The following XAB2 variants were observed in gnomAD, a reference collection of about 807,000 sequenced individuals.
The protein encoded by XAB2 is XPA binding protein 2.
Under a neutral mutation model 113.4 loss-of-function variants are expected in XAB2, and 57 were observed. The observed-to-expected ratio is 0.50, with a 90% CI of 0.41 to 0.63. The LOEUF is 0.63. Ranked by LOEUF, XAB2 falls within the 20% of genes least tolerant of loss-of-function variation. The pLI is 0.00. For missense variants in XAB2, 1,037 were observed against 1,233.3 expected (o/e 0.84, Z 2.38); for synonymous variants, 497 against 498.8 (o/e 1.00, Z 0.05).
In XAB2 at chr19:7,626,422, C is replaced by CAGCCCGGTTCCTACTGGTCT; in HGVS notation, c.523-172_523-153dup. ...CAAACCAGCCTCAGCCCCACTGGTC[C>CAGCCCGGTTCCTACTGGTCT]AGCCCGGTTCCTACTGGTCTAGCCT... On this transcript the variant is annotated intron_variant, in intron 4 of 18. Transcript: ENST00000358368. 4 of 1,153,610 alleles carry CAGCCCGGTTCCTACTGGTCT rather than the reference C, an allele frequency of 3.5e-6. No homozygotes were observed. The South Asian group carries it at 4.3e-5, about 12-fold the overall frequency. 71.5% of individuals were successfully genotyped at this position (1,153,610 alleles called of 1,614,324 possible).
In XAB2 at chr19:7,629,458, G is replaced by GA; in HGVS notation, c.51+18_51+19insT. ...CAATGCCCCAACGCAGGCCACCCCC[G>GA]GCTCCTCTGTGGACTCACGAAGACA... On this transcript the variant is annotated intron_variant, in intron 1 of 18. Coordinates refer to ENST00000358368, the MANE Select transcript of XAB2 (RefSeq NM_020196.3). 1 of 1,588,060 alleles carries GA rather than the reference G, an allele frequency of 6.3e-7. No homozygotes were observed. Among genetic ancestry groups the GA allele is most frequent in the Non-Finnish European group, 8.6e-7 (1 of 1,167,478 alleles).
At chr19:7,622,993 C>T in intron 9 of XAB2, 100 bp from the exon 10 acceptor site, 2 of 1,555,448 alleles carry the variant, frequency 1.3e-6, no homozygotes, top group East Asian at 2.4e-5. Context: ...CATACAGGCA[C>T]AAACACACAG....
At chr19:7,621,512 C>A in intron 12 of XAB2, 1 of 588,164 alleles carries the variant, frequency 1.7e-6, no homozygotes, top group South Asian at 2.1e-5. Context: ...GCAATGGGAC[C>A]TGCTAAGCAC....
In XAB2 at chr19:7,624,508, C is replaced by G; in HGVS notation, c.823-63G>C. ...GGCGCAGGGGACAGGCAGCAGCACT[C>G]TTAGCACCAGCCTCAATGTGGAACC... On this transcript the variant is annotated intron_variant, in intron 6 of 18. Transcript: ENST00000358368. The surrounding 1 kb of genome is among the most constrained non-coding windows in gnomAD (Gnocchi z 4.2). 1.2e-6 allele frequency: 2 copies of G among 1,607,674 alleles called. No individual in the cohort carries two copies. Among genetic ancestry groups the G allele is most frequent in the East Asian group, 2.2e-5 (1 of 44,816 alleles).
chr19:7,623,053 C>T lies in XAB2; in HGVS notation c.1239+117G>A. 6.4e-7 allele frequency: 1 copy of T among 1,550,542 alleles called. No homozygotes were observed. The highest frequency in any genetic ancestry group is 1.2e-5 in the South Asian group (1 of 83,556). ...GTGCACATATGCATGCACCCAAATG[C>T]ACATGCACACACACGTGCACACATC... On this transcript the variant is annotated intron_variant, in intron 9 of 18. Coordinates refer to ENST00000358368, the MANE Select transcript of XAB2 (RefSeq NM_020196.3). The surrounding 1 kb of genome is among the most constrained non-coding windows in gnomAD (Gnocchi z 4.6).
At chr19:7,622,297 A>G in intron 12 of XAB2, 34 bp downstream of exon 12, 1 of 1,605,076 alleles carries the variant, frequency 6.2e-7, no homozygotes, top group Non-Finnish European at 8.5e-7. Flanking sequence ...GGACACTGCC[A>G]TCAGGGGCCT....
At position 7,627,505 on chromosome 19, in the gene XAB2, C is replaced by T. The variant is rs572261514; in HGVS notation, c.325-65G>A. 3.4e-5 allele frequency: 53 copies of T among 1,562,680 alleles called. No individual in the cohort carries two copies. The African/African-American group carries it at 4.7e-4, about 14-fold the overall frequency. ...ACTCCATGGCCTGGCCACAGACACT[C>T]GATGTCCTGTGGCTGAGCCACACCT... On this transcript the variant is annotated intron_variant, in intron 3 of 18. Transcript: ENST00000358368. The surrounding 1 kb of genome is among the most constrained non-coding windows in gnomAD (Gnocchi z 4.5).
intron 12 of XAB2, 49 bp downstream of exon 12, chr19:7,622,282 G>A (rs775077101): frequency 4.5e-6 from 7 of 1,569,284 alleles, no homozygotes; most frequent in South Asian, 2.2e-5. Flanking sequence ...GGACCCCTGG[G>A]GAGGGGACAC....
Position 7,623,176 on chromosome 19 carries a change from C to T in XAB2, c.1233G>A (p.Leu411=). The change falls in exon 9 of 19, where the codon CTG becomes CTA. Residue 411 remains leucine, a synonymous_variant. Transcript: ENST00000358368. The surrounding 1 kb of genome is among the most constrained non-coding windows in gnomAD (Gnocchi z 4.6). ...CACGCAACAGGGTGCTCACATCGTC[C>T]AGCTGTCCGTTGTCCTCATAAAACT... is the stretch of plus-strand genomic sequence containing the variant. ...FAKFYEDNGQ[L]DDARVILEKA... The T allele has an allele frequency of 1.2e-6, 2 of 1,613,608 alleles. No homozygotes were observed. The highest frequency in any genetic ancestry group is 1.7e-6 in the Non-Finnish European group (2 of 1,179,968).
rs747483013 is a variant in XAB2 at position 7,622,515 on chromosome 19, C to T, written c.1503+15G>A. 1.2e-6 allele frequency: 2 copies of T among 1,613,894 alleles called. No homozygotes were observed. Among genetic ancestry groups the T allele is most frequent in the Middle Eastern group, 1.6e-4 (1 of 6,062 alleles). On this transcript the variant is annotated intron_variant, in intron 11 of 18. Coordinates refer to ENST00000358368, the MANE Select transcript of XAB2 (RefSeq NM_020196.3). Reference sequence around the variant, plus strand: ...AGTCCGGGGCCCCGTCCCTCCCCAGCCACAGGCAGCTCACCTGGAAGGTGC... The same window carrying T: ...AGTCCGGGGCCCCGTCCCTCCCCAGTCACAGGCAGCTCACCTGGAAGGTGC...
intron 1 of XAB2, 49 bp downstream of exon 1, chr19:7,629,428 G>A: frequency 1.3e-6 from 2 of 1,563,394 alleles, no homozygotes; most frequent in Non-Finnish European, 8.7e-7. Context: ...GCGGCGTCCA[G>A]GTCCCAATGC....
At position 7,622,675 on chromosome 19, in the gene XAB2, C is replaced by G. The variant is rs775267393; in HGVS notation, c.1372-14G>C. On this transcript the variant is annotated splice_polypyrimidine_tract_variant and intron_variant, in intron 10 of 18. Transcript: ENST00000358368. ...CGCCGTGGCCTTCTGCAGGGGCAGACAGTGGCCGGGGAGGCGCTCAGGGGC... is the reference window on the plus strand; with the variant it reads ...CGCCGTGGCCTTCTGCAGGGGCAGAGAGTGGCCGGGGAGGCGCTCAGGGGC... The G allele has an allele frequency of 9.3e-6, 15 of 1,611,932 alleles. 1 individual carries two copies. The highest frequency in any genetic ancestry group is 6.7e-5 in the African/African-American group (5 of 74,952).
At chr19:7,621,071 C>T (rs1319950081) in intron 13 of XAB2, 35 bp from the exon 14 acceptor site, 21 of 1,536,444 alleles carry the variant, frequency 1.4e-5, no homozygotes, top group Non-Finnish European at 1.8e-5. Context: ...GGAGCACGGT[C>T]AGCCGGGGCC....
chr19:7,628,389 C>T lies in XAB2; in HGVS notation c.52-91G>A, dbSNP rs970110556. 72 of 1,535,382 alleles carry T rather than the reference C, an allele frequency of 4.7e-5. No homozygotes were observed. Among genetic ancestry groups the T allele is most frequent in the Middle Eastern group, 2.2e-4 (1 of 4,462 alleles). On this transcript the variant is annotated intron_variant, in intron 1 of 18. Transcript: ENST00000358368. The surrounding 1 kb of genome is among the most constrained non-coding windows in gnomAD (Gnocchi z 4.6). Reference sequence around the variant, plus strand: ...ACTGCTGGGGCTCAGGTCCAAACTCCGGACTTTTACCTAGATCCCACCACC... The same window carrying T: ...ACTGCTGGGGCTCAGGTCCAAACTCTGGACTTTTACCTAGATCCCACCACC...
Position 7,625,806 on chromosome 19 carries a change from T to G in XAB2, c.822+74A>C. The G allele has an allele frequency of 6.6e-7, 1 of 1,521,974 alleles. No individual in the cohort carries two copies. Among genetic ancestry groups the G allele is most frequent in the Non-Finnish European group, 8.9e-7 (1 of 1,129,312 alleles). 94.3% of individuals were successfully genotyped at this position (1,521,974 alleles called of 1,614,324 possible). A position where few individuals can be genotyped will look rare whatever the true frequency, so the allele number is the denominator to read the frequency against. ...AAATGGCATGTTTTCTGCCTGTGCA[T>G]GTGTCAACATGTGTCCCCGAGTGTC... On this transcript the variant is annotated intron_variant, in intron 6 of 18. Coordinates refer to ENST00000358368, the MANE Select transcript of XAB2 (RefSeq NM_020196.3). The surrounding 1 kb of genome is among the most constrained non-coding windows in gnomAD (Gnocchi z 5.2).
Position 7,619,570 on chromosome 19 carries a change from ATGGGG to A in XAB2, c.*11_*15del. ...ATTGGGGAGGGGGTGGGGAGGGGGG[ATGGGG>A]GAGGGACGGGTCAGTCTTCCTTCAG... On this transcript the variant is annotated 3_prime_UTR_variant, in exon 19 of 19. Transcript: ENST00000358368. 6.7e-6 allele frequency: 4 copies of A among 600,574 alleles called. No individual in the cohort carries two copies. Among genetic ancestry groups the A allele is most frequent in the South Asian group, 2.6e-5 (1 of 38,054 alleles). The allele number at this position is 600,574 out of a possible 1,614,324, so 37.2% of individuals were successfully genotyped here.
chr19:7,620,715 C>T (rs779018519), intron 14 of XAB2, 46 bp from the exon 15 acceptor site: 19 of 1,605,704 alleles, frequency 1.2e-5, no homozygotes, highest in South Asian at 5.5e-5. Context: ...CGGGGTAGCT[C>T]GGGGGCTCCC....
chr19:7,622,233 C>T, intron 12 of XAB2, 98 bp downstream of exon 12: 2 of 1,143,784 alleles, frequency 1.7e-6, no homozygotes, highest in Non-Finnish European at 2.6e-6. Flanking sequence ...AGTCTGTATA[C>T]TGTGTCACAC....
chr19:7,628,137 G>T lies in XAB2; in HGVS notation c.200+13C>A, dbSNP rs1477908896. 1.9e-6 allele frequency: 3 copies of T among 1,609,002 alleles called. No homozygotes were observed. The African/African-American group carries it at 4.0e-5, about 21-fold the overall frequency. ...TGGGGGCTGGTGGGCAGGGCAGCTG[G>T]AGCCATTCCCACCTGCAGGGCAGCA... On this transcript the variant is annotated intron_variant, in intron 2 of 18. Transcript: ENST00000358368. This position sits in a 1 kb window ranked among gnomAD's most constrained non-coding sequence, Gnocchi z 4.6.
Sources: gnomAD v4.1 joint callset for allele counts on GRCh38, gnomAD v4.1.1 for gene constraint, Gnocchi (gnomAD v3.1) non-coding constraint, MANE v1.5 for transcripts, NCBI Gene and HGNC (gene_info 2026-07-23, HGNC 2026-07-21) for gene names.